The following STK3 variants were observed in gnomAD, a reference collection of about 807,000 sequenced individuals.
STK3 encodes serine/threonine-protein kinase 3.
Under a neutral mutation model 58.0 loss-of-function variants are expected in STK3, and 41 were observed. The observed-to-expected ratio is 0.71, with a 90% CI of 0.55 to 0.92. The LOEUF is 0.92. Ranked by LOEUF, STK3 falls within the 40% of genes least tolerant of loss-of-function variation. STK3 has a pLI of 0.00. For missense variants in STK3, 479 were observed against 602.7 expected (o/e 0.79, Z 2.15); for synonymous variants, 170 against 191.0 (o/e 0.89, Z 0.91).
chr8:98,735,353 C>T (rs1266526064), intron 4 of STK3, among the ~76,000 whole-genome samples: 1 of 152,092 alleles, frequency 6.6e-6, no homozygotes, highest in Non-Finnish European at 1.5e-5. Flanking sequence ...ATGTAACTCC[C>T]ATATATAGGA....
At chr8:98,510,631 T>A (rs938648645) in intron 10 of STK3, among the ~76,000 whole-genome samples, 3 of 152,082 alleles carry the variant, frequency 2.0e-5, no homozygotes, top group Admixed American at 2.0e-4. Flanking sequence ...GAAAATGTCA[T>A]ACTGAAGGTA....
At chr8:98,733,111 G>A (rs1012225402) in intron 4 of STK3, among the ~76,000 whole-genome samples, 2 of 152,166 alleles carry the variant, frequency 1.3e-5, no homozygotes, top group Non-Finnish European at 2.9e-5. Flanking sequence ...CTTCCAAGAT[G>A]TTCTTTGCCC....
At chr8:98,888,837 T>C (rs907991982) in intron 1 of STK3, among the ~76,000 whole-genome samples, 1 of 152,216 alleles carries the variant, frequency 6.6e-6, no homozygotes, top group Non-Finnish European at 1.5e-5. Context: ...GCAGGCCCCA[T>C]GGCCCCTGTA....
intron 8 of STK3, among the ~76,000 whole-genome samples, chr8:98,557,880 A>G (rs1181571299): frequency 6.6e-6 from 1 of 152,078 alleles, no homozygotes; most frequent in Non-Finnish European, 1.5e-5. Flanking sequence ...AAACGTCATA[A>G]AAGACTTATT....
At chr8:98,836,977 T>C (rs1835769849) in intron 3 of STK3, among the ~76,000 whole-genome samples, 1 of 152,188 alleles carries the variant, frequency 6.6e-6, no homozygotes. Flanking sequence ...TATCATTACA[T>C]ATCCATGTGG....
At chr8:98,764,195 C>T (rs758952303) in intron 3 of STK3, among the ~76,000 whole-genome samples, 12 of 152,228 alleles carry the variant, frequency 7.9e-5, no homozygotes, top group Non-Finnish European at 1.3e-4. Context: ...TAAAGTGGTA[C>T]AAAAGTTCTA....
chr8:98,673,334 T>G (rs915071936), intron 6 of STK3, among the ~76,000 whole-genome samples: 10 of 152,188 alleles, frequency 6.6e-5, no homozygotes, highest in African/African-American at 2.4e-4. Flanking sequence ...TACCTTACTT[T>G]GATCATCTGT....
intron 6 of STK3, among the ~76,000 whole-genome samples, chr8:98,661,079 G>A (rs2130786121): frequency 6.6e-6 from 1 of 152,052 alleles, no homozygotes; most frequent in South Asian, 2.1e-4. Flanking sequence ...CAGTATAAAT[G>A]TATTTTTTTC....
At chr8:98,737,248 G>C (rs1828673480) in intron 4 of STK3, among the ~76,000 whole-genome samples, 1 of 151,938 alleles carries the variant, frequency 6.6e-6, no homozygotes, top group Admixed American at 6.6e-5. Context: ...GTCAATTCAA[G>C]GGCTCTACCT....
chr8:98,592,932 T>A (rs1815459149), intron 7 of STK3, among the ~76,000 whole-genome samples: 1 of 151,984 alleles, frequency 6.6e-6, no homozygotes, highest in Non-Finnish European at 1.5e-5. Flanking sequence ...TCTGGCTAAT[T>A]TTTGTATTTT....
intron 4 of STK3, among the ~76,000 whole-genome samples, chr8:98,714,867 A>G (rs2131141870): frequency 6.6e-6 from 1 of 152,306 alleles, no homozygotes; most frequent in South Asian, 2.1e-4. Flanking sequence ...GCATCACACT[A>G]CCTGACTTCA....
intron 7 of STK3, among the ~76,000 whole-genome samples, chr8:98,584,004 T>C (rs2131751501): frequency 6.6e-6 from 1 of 152,268 alleles, no homozygotes; most frequent in South Asian, 2.1e-4. Context: ...GGTTTCACAA[T>C]TTTAAAAAAG....
intron 10 of STK3, among the ~76,000 whole-genome samples, chr8:98,514,722 C>G (rs1824796074): frequency 6.6e-6 from 1 of 152,030 alleles, no homozygotes; most frequent in African/African-American, 2.4e-5. Context: ...TGGTAATCAT[C>G]TCTCTTCAAG....
chr8:98,782,975 T>A (rs2089322371), intron 1 of STK3, among the ~76,000 whole-genome samples: 1 of 147,766 alleles, frequency 6.8e-6, no homozygotes, highest in South Asian at 2.1e-4. Flanking sequence ...ATGCATCAAA[T>A]TCAACAAATT....
At chr8:98,445,119 C>T (rs548565599) in intron 1 of STK3, among the ~76,000 whole-genome samples, 39 of 152,226 alleles carry the variant, frequency 2.6e-4, no homozygotes, top group African/African-American at 7.0e-4. Flanking sequence ...TACAGTTCCA[C>T]GGTTTTTAAT....
At chr8:98,372,605 A>G (rs375478197) in intron 2 of STK3, among the ~76,000 whole-genome samples, 1 of 152,092 alleles carries the variant, frequency 6.6e-6, no homozygotes, top group Non-Finnish European at 1.5e-5. Flanking sequence ...GATAATACAA[A>G]CAGCTTTCTG....
chr8:98,893,477 A>G (rs1328078026), intron 1 of STK3, among the ~76,000 whole-genome samples: 2,100 of 63,348 alleles, frequency 0.033, 44 homozygotes, highest in Non-Finnish European at 0.042. Context: ...AAAGAAAGAA[A>G]GAAAGAAAGA....
At chr8:98,500,993 C>T (rs535135224) in intron 10 of STK3, among the ~76,000 whole-genome samples, 9 of 152,182 alleles carry the variant, frequency 5.9e-5, no homozygotes, top group Non-Finnish European at 1.2e-4. Context: ...ACACTGTCTT[C>T]CACAATGGTT....
intron 1 of STK3, among the ~76,000 whole-genome samples, chr8:98,824,643 T>A (rs1010835003): frequency 6.6e-6 from 1 of 152,170 alleles, no homozygotes; most frequent in Non-Finnish European, 1.5e-5. Context: ...GCTTCCAGGC[T>A]TCAAGGCTCA....
Sources: gnomAD v4.1 joint callset for allele counts (sites outside exome capture counted in the v4.1 genomes callset) on GRCh38, gnomAD v4.1.1 for gene constraint, MANE v1.5 for transcripts, NCBI Gene and HGNC (gene_info 2026-07-23, HGNC 2026-07-21) for gene names.